Variants in EPS15 observed in about 807,000 individuals in gnomAD.
EPS15 encodes the protein epidermal growth factor receptor substrate 15.
Under a neutral mutation model 113.8 loss-of-function variants are expected in EPS15, and 72 were observed. The ratio of observed to expected loss-of-function variants is 0.63; its 90% CI spans 0.52 to 0.77. The LOEUF is 0.77. Ranked by LOEUF, EPS15 falls within the 30% of genes least tolerant of loss-of-function variation. EPS15 has a pLI of 0.00. For synonymous variants in EPS15, 344 were observed against 363.4 expected, an observed-to-expected ratio of 0.95 and a Z score of 0.61; for missense variants, 1,048 against 1,045.8, an observed-to-expected ratio of 1.00 and a Z score of -0.03.
intron 12 of EPS15, chr1:51,423,293 C>A (rs1252728511): frequency 3.9e-6 from 5 of 1,284,834 alleles, no homozygotes; most frequent in Middle Eastern, 2.1e-4. Context: ...GCAGCCCGAT[C>A]CTTCCATACC....
At chr1:51,471,836 T>G in intron 3 of EPS15, 99 bp from the exon 4 acceptor site, 1 of 861,330 alleles carries the variant, frequency 1.2e-6, no homozygotes, top group Non-Finnish European at 1.9e-6. Context: ...GGCTCTCTGG[T>G]AATCAGATCT....
intron 1 of EPS15, among the ~76,000 whole-genome samples, chr1:51,514,914 C>T (rs914693544): frequency 2.0e-5 from 3 of 152,160 alleles, no homozygotes; most frequent in Non-Finnish European, 4.4e-5. Flanking sequence ...ATTGTAGGAA[C>T]TCAAATATCT....
chr1:51,399,232 A>G (rs1648270705), intron 19 of EPS15, 67 bp from the exon 20 acceptor site: 1 of 1,496,392 alleles, frequency 6.7e-7, no homozygotes, highest in South Asian at 1.2e-5. Context: ...CCATCACTTG[A>G]AGGTATGATC....
chr1:51,455,860 C>T (rs975847574), intron 8 of EPS15, among the ~76,000 whole-genome samples: 1 of 151,768 alleles, frequency 6.6e-6, no homozygotes, highest in Non-Finnish European at 1.5e-5. Context: ...ATACATTCCA[C>T]GTACACAAAA....
chr1:51,402,580 A>T, intron 17 of EPS15, 55 bp from the exon 18 acceptor site: 4 of 933,428 alleles, frequency 4.3e-6, no homozygotes, highest in Non-Finnish European at 6.6e-6. Context: ...TTTAAAAGGT[A>T]ACATTTTAAA....
chr1:51,485,742 C>CGA (rs777650091), intron 1 of EPS15, among the ~76,000 whole-genome samples: 1 of 152,134 alleles, frequency 6.6e-6, no homozygotes, highest in African/African-American at 2.4e-5. Flanking sequence ...AAATAGTACA[C>CGA]GAGATTTCAT....
chr1:51,435,316 C>T (rs1652064819), intron 12 of EPS15, among the ~76,000 whole-genome samples: 1 of 152,086 alleles, frequency 6.6e-6, no homozygotes, highest in Non-Finnish European at 1.5e-5. Flanking sequence ...GTCTCAGCCT[C>T]CTGAGTAGCT....
At position 51,420,746 on chromosome 1, in the gene EPS15, A is replaced by C. The variant is rs76991305; in HGVS notation, c.1113+1040T>G. ...ATAAATGTAGTCACCCAATCAGAGA[A>C]TCAACTTCCAACAAGAAGTCTCTCT... On this transcript the variant is annotated intron_variant, in intron 13 of 24. Coordinates refer to ENST00000371733, the MANE Select transcript of EPS15 (RefSeq NM_001981.3). Among the ~76,000 whole-genome samples the C allele has an allele frequency of 6.9e-3, 1,056 of 152,202 alleles. 7 individuals carry two copies. Among genetic ancestry groups the C allele is most frequent in the African/African-American group, 0.024 (1,014 of 41,542 alleles).
At chr1:51,465,762 G>A (rs1022271416) in intron 5 of EPS15, among the ~76,000 whole-genome samples, 3 of 152,094 alleles carry the variant, frequency 2.0e-5, no homozygotes, top group South Asian at 2.1e-4. Context: ...TGTAATGCAC[G>A]TAGGCAACAA....
At chr1:51,424,052 A>G (rs764640297) in intron 12 of EPS15, among the ~76,000 whole-genome samples, 1 of 152,222 alleles carries the variant, frequency 6.6e-6, no homozygotes, top group East Asian at 1.9e-4. Flanking sequence ...AAGAAGATCA[A>G]TTAAATTTAA....
chr1:51,371,093 T>A (rs1479043017), intron 21 of EPS15, among the ~76,000 whole-genome samples: 2 of 150,592 alleles, frequency 1.3e-5, no homozygotes, highest in Non-Finnish European at 3.0e-5. Flanking sequence ...TTTTTTTGTA[T>A]TTTTTAGTAG....
chr1:51,394,274 T>C (rs1338657572), intron 21 of EPS15, 107 bp downstream of exon 21: 2 of 626,008 alleles, frequency 3.2e-6, no homozygotes. Flanking sequence ...AATTATGCAA[T>C]AATTTTAAAG....
rs529972251 is a variant in EPS15 at position 51,444,830 on chromosome 1, C to T, written c.954+59G>A. ...TTTCATCCAAATTGAATCTGTAATT[C>T]GACATAGTATTGTTCCTTTGAAATT... On this transcript the variant is annotated intron_variant, in intron 11 of 24. Transcript: ENST00000371733. 320 of 1,452,738 alleles carry T rather than the reference C, an allele frequency of 2.2e-4. 1 individual carries two copies. The highest frequency in any genetic ancestry group is 2.8e-4 in the Non-Finnish European group (292 of 1,050,376). The allele number at this position is 1,452,738 out of a possible 1,614,324, so 90.0% of individuals were successfully genotyped here.
intron 14 of EPS15, among the ~76,000 whole-genome samples, chr1:51,408,797 A>ATT (rs34612487): frequency 0.063 from 6,886 of 109,496 alleles, 312 homozygotes; most frequent in Non-Finnish European, 0.094. Context: ...CTGGCTTTCA[A>ATT]TTTTTTTTTT....
intron 12 of EPS15, among the ~76,000 whole-genome samples, chr1:51,424,877 T>C (rs1348595965): frequency 6.6e-6 from 1 of 151,798 alleles, no homozygotes; most frequent in Non-Finnish European, 1.5e-5. Flanking sequence ...CACTCCAGCC[T>C]GGGCAACAGA....
chr1:51,455,251 A>AC (rs1204330115), intron 8 of EPS15, among the ~76,000 whole-genome samples: 1 of 152,234 alleles, frequency 6.6e-6, no homozygotes, highest in African/African-American at 2.4e-5. Flanking sequence ...GTTCACTGGC[A>AC]GTAGCATAAT....
chr1:51,409,342 C>T (rs1451042689), intron 14 of EPS15, among the ~76,000 whole-genome samples, 193 bp downstream of exon 14: 2 of 152,214 alleles, frequency 1.3e-5, no homozygotes, highest in East Asian at 1.9e-4. Flanking sequence ...AGTTCATTAA[C>T]TGCCCTTCTA....
At chr1:51,441,977 T>C (rs1652631685) in intron 11 of EPS15, among the ~76,000 whole-genome samples, 1 of 152,132 alleles carries the variant, frequency 6.6e-6, no homozygotes, top group South Asian at 2.1e-4. Context: ...TATGCCACAC[T>C]GCAGTTTTAG....
rs184991745 is a variant in EPS15, at chr1:51,384,729, G to A, written c.2119+9652C>T. ...AAGCTATAGTAATTAAAACAGTGAG[G>A]AACTGCATAAATACAAACCATATAG... On this transcript the variant is annotated intron_variant, in intron 21 of 24. Coordinates refer to ENST00000371733, the MANE Select transcript of EPS15 (RefSeq NM_001981.3). Among the ~76,000 whole-genome samples, 1,166 of 152,188 alleles carry A rather than the reference G, an allele frequency of 7.7e-3. 11 individuals are homozygous for A. The highest frequency in any genetic ancestry group is 9.4e-3 in the Admixed American group (143 of 15,280).
Sources: allele counts gnomAD v4.1 joint callset (sites outside exome capture counted in the v4.1 genomes callset), GRCh38; gene constraint gnomAD v4.1.1; transcripts MANE v1.5; gene names NCBI Gene and HGNC (gene_info 2026-07-23, HGNC 2026-07-21).